ETV1: variants seen among roughly 807,000 people sequenced by gnomAD.
The protein encoded by ETV1 is ETS translocation variant 1.
Under a neutral mutation model 62.3 loss-of-function variants are expected in ETV1, and 27 were observed. The ratio of observed to expected loss-of-function variants is 0.43; its 90% CI spans 0.32 to 0.60. The LOEUF (loss-of-function observed/expected upper bound fraction) is 0.60, where lower values mean the gene tolerates loss of function less well. Ranked by LOEUF, ETV1 falls within the 20% of genes least tolerant of loss-of-function variation. ETV1 has a pLI of 0.06. For missense variants in ETV1, 605 were observed against 605.8 expected (o/e 1.00, Z 0.01); for synonymous variants, 222 against 199.6 (o/e 1.11, Z -0.94).
chr7:13,944,795 T>G (rs1471537257), intron 6 of ETV1, among the ~76,000 whole-genome samples: 1 of 152,160 alleles, frequency 6.6e-6, no homozygotes, highest in African/African-American at 2.4e-5. Context: ...TTTGGAAGAT[T>G]AAATTAACAT....
chr7:13,909,423 T>C (rs988008921), intron 11 of ETV1, among the ~76,000 whole-genome samples: 8 of 152,142 alleles, frequency 5.3e-5, no homozygotes, highest in East Asian at 1.9e-4. Flanking sequence ...TCTCCAAAAA[T>C]GAACTCCCTC....
chr7:13,961,311 T>C (rs1042789102), intron 6 of ETV1, among the ~76,000 whole-genome samples: 1 of 152,178 alleles, frequency 6.6e-6, no homozygotes, highest in Non-Finnish European at 1.5e-5. Flanking sequence ...AGGTGATCTT[T>C]GGTCATTCAC....
chr7:13,966,765 A>G (rs1479822445), intron 6 of ETV1, among the ~76,000 whole-genome samples: 1 of 152,236 alleles, frequency 6.6e-6, no homozygotes, highest in Non-Finnish European at 1.5e-5. Flanking sequence ...TAGATTTCAC[A>G]TCACTCATAT....
At chr7:13,899,741 C>A (rs1011647198) in intron 13 of ETV1, among the ~76,000 whole-genome samples, 1 of 152,172 alleles carries the variant, frequency 6.6e-6, no homozygotes, top group Non-Finnish European at 1.5e-5. Flanking sequence ...CAAATATCCA[C>A]GTTTTATCTT....
intron 9 of ETV1, among the ~76,000 whole-genome samples, chr7:13,925,964 T>C (rs886304560): frequency 1.3e-5 from 2 of 152,118 alleles, no homozygotes; most frequent in African/African-American, 4.8e-5. Flanking sequence ...ATATCACCTA[T>C]AATATCACCA....
At chr7:13,913,935 A>G (rs1583605659) in intron 9 of ETV1, among the ~76,000 whole-genome samples, 3 of 116,216 alleles carry the variant, frequency 2.6e-5, no homozygotes, top group South Asian at 5.8e-4. Flanking sequence ...CCCAGGCTGG[A>G]GTGCAGTGCC....
intron 9 of ETV1, among the ~76,000 whole-genome samples, chr7:13,917,757 G>A (rs1334080649): frequency 6.6e-6 from 1 of 152,064 alleles, no homozygotes; most frequent in Non-Finnish European, 1.5e-5. Flanking sequence ...GAGGTCAGGA[G>A]ATCGAGACCA....
intron 5 of ETV1, chr7:13,986,147 G>T: frequency 1.3e-6 from 2 of 1,593,856 alleles, no homozygotes; most frequent in Non-Finnish European, 1.7e-6. Context: ...AAGGTGGAAA[G>T]AAGACACTTG....
At chr7:13,978,984 A>T (rs762333693) in intron 5 of ETV1, among the ~76,000 whole-genome samples, 5 of 152,094 alleles carry the variant, frequency 3.3e-5, no homozygotes, top group African/African-American at 9.6e-5. Flanking sequence ...CAAATTAATA[A>T]TTTTTTCAAG....
chr7:13,904,093 T>C (rs941906277), intron 12 of ETV1, among the ~76,000 whole-genome samples: 2 of 152,030 alleles, frequency 1.3e-5, no homozygotes, highest in African/African-American at 4.8e-5. Flanking sequence ...TGACCACAGG[T>C]CACAAAGACA....
chr7:13,963,668 G>A (rs1790449345), intron 6 of ETV1, among the ~76,000 whole-genome samples: 1 of 151,976 alleles, frequency 6.6e-6, no homozygotes, highest in Non-Finnish European at 1.5e-5. Context: ...AAATTCAGAT[G>A]TTTGTATATA....
chr7:13,963,542 A>C (rs1257693816), intron 6 of ETV1, among the ~76,000 whole-genome samples: 3 of 151,874 alleles, frequency 2.0e-5, no homozygotes, highest in Non-Finnish European at 4.4e-5. Flanking sequence ...AAAAAAAAAA[A>C]AACTTCATGC....
rs371836398 is a variant in ETV1 at position 13,895,864 on chromosome 7, T to C, written c.*2A>G. On this transcript the variant is annotated 3_prime_UTR_variant, in exon 14 of 14. Transcript: ENST00000430479. ...AAACGCCCTGCTTGACTGTCACTTG[T>C]GTTAATACACGTAGCCTTCGTTGTA... 3.7e-6 allele frequency: 6 copies of C among 1,611,206 alleles called. No homozygotes were observed. The highest frequency in any genetic ancestry group is 1.3e-5 in the African/African-American group (1 of 74,890).
At chr7:13,977,356 C>G in intron 6 of ETV1, 71 bp downstream of exon 6, 3 of 1,093,140 alleles carry the variant, frequency 2.7e-6, no homozygotes. Context: ...TGAAAACCAA[C>G]CAAAGAGAAA....
chr7:13,977,614 T>A (rs1048903187), intron 5 of ETV1, 134 bp from the exon 6 acceptor site: 4 of 640,270 alleles, frequency 6.2e-6, no homozygotes, highest in Admixed American at 2.8e-5. Context: ...AATGAGCTCC[T>A]ATTTAAAATG....
chr7:13,960,015 C>T (rs1789983123), intron 6 of ETV1, among the ~76,000 whole-genome samples: 1 of 150,382 alleles, frequency 6.6e-6, no homozygotes, highest in East Asian at 2.0e-4. Context: ...CAACCTACCA[C>T]ATAAAATAAA....
At chr7:13,917,329 T>C (rs1784290226) in intron 9 of ETV1, among the ~76,000 whole-genome samples, 1 of 148,522 alleles carries the variant, frequency 6.7e-6, no homozygotes, top group Non-Finnish European at 1.5e-5. Flanking sequence ...TTTATTTATT[T>C]ATTTTGAGAC....
At chr7:13,910,050 A>G (rs143090350) in intron 10 of ETV1, among the ~76,000 whole-genome samples, 39 of 152,186 alleles carry the variant, frequency 2.6e-4, no homozygotes, top group African/African-American at 8.9e-4. Context: ...ATTCATCTAA[A>G]TTTTATTGTT....
At chr7:13,986,180 G>C in intron 5 of ETV1, 1 of 1,591,182 alleles carries the variant, frequency 6.3e-7, no homozygotes, top group Non-Finnish European at 8.6e-7. Context: ...GAAGCATCCC[G>C]TCCTGATGAA....
Sources: allele counts gnomAD v4.1 joint callset (sites outside exome capture counted in the v4.1 genomes callset), GRCh38; gene constraint gnomAD v4.1.1; transcripts MANE v1.5; gene names NCBI Gene and HGNC (gene_info 2026-07-23, HGNC 2026-07-21).